Variants in CIMIP7 observed in about 807,000 individuals in gnomAD.
The protein encoded by CIMIP7 is ciliary microtubule inner protein 7.
the CIMIP7 span, among the ~76,000 whole-genome samples, chr3:49,182,178 G>A: frequency 1.3e-5 from 2 of 152,190 alleles, no homozygotes; most frequent in Non-Finnish European, 2.9e-5. Context: ...AAAGAACAAA[G>A]CCTCCACAGC....
At chr3:49,181,839 A>G in the CIMIP7 span, among the ~76,000 whole-genome samples, 1 of 152,192 alleles carries the variant, frequency 6.6e-6, no homozygotes, top group Non-Finnish European at 1.5e-5. Flanking sequence ...TGACATCAAG[A>G]CTGAAGCCGC....
At chr3:49,190,126 A>G in the CIMIP7 span, 3 of 1,603,696 alleles carry the variant, frequency 1.9e-6, no homozygotes, top group Non-Finnish European at 2.5e-6. Flanking sequence ...TGCCCATAGA[A>G]GCCATTGTTG....
the CIMIP7 span, chr3:49,191,839 G>C: frequency 1.4e-6 from 2 of 1,471,436 alleles, no homozygotes; most frequent in East Asian, 4.9e-5. Flanking sequence ...TCAGGAAAGA[G>C]AATCTCTGGA....
chr3:49,191,605 G>T, the CIMIP7 span: 23 of 898,370 alleles, frequency 2.6e-5, no homozygotes, highest in Non-Finnish European at 3.8e-5. Flanking sequence ...CAAGATGGTG[G>T]AGAGGAAGTG....
the CIMIP7 span, among the ~76,000 whole-genome samples, chr3:49,184,439 C>T: frequency 2.0e-5 from 3 of 151,966 alleles, no homozygotes; most frequent in African/African-American, 4.8e-5. Flanking sequence ...CTTATGCCTC[C>T]GCCTCCCAAG....
the CIMIP7 span, among the ~76,000 whole-genome samples, chr3:49,186,511 C>T: frequency 6.6e-6 from 1 of 152,024 alleles, no homozygotes; most frequent in Non-Finnish European, 1.5e-5. Context: ...TCACACCATT[C>T]TCCTGCCTCA....
chr3:49,178,550 G>A, the CIMIP7 span: 39 of 1,611,876 alleles, frequency 2.4e-5, no homozygotes, highest in African/African-American at 4.0e-5. Context: ...TTGAAAGACA[G>A]TGAGAAAGAA....
chr3:49,189,892 G>A, the CIMIP7 span: 1 of 783,616 alleles, frequency 1.3e-6, no homozygotes, highest in East Asian at 2.5e-5. Context: ...TGACATCTCA[G>A]AGAAGAAAGG....
the CIMIP7 span, among the ~76,000 whole-genome samples, chr3:49,184,123 G>A: frequency 6.6e-6 from 1 of 152,094 alleles, no homozygotes; most frequent in African/African-American, 2.4e-5. Flanking sequence ...TCAGCCTCTG[G>A]AGTAGCTGGT....
chr3:49,191,648 CA>C, the CIMIP7 span: 3 of 1,398,166 alleles, frequency 2.1e-6, no homozygotes, highest in African/African-American at 1.4e-5. Flanking sequence ...GGTTGGATGC[CA>C]AATGAAAACC....
the CIMIP7 span, chr3:49,178,620 C>A: frequency 2.4e-6 from 3 of 1,271,898 alleles, no homozygotes; most frequent in Non-Finnish European, 3.4e-6. Flanking sequence ...GCCTCAGGGT[C>A]CTTAATGGAG....
At chr3:49,189,915 C>T in the CIMIP7 span, 2 of 829,104 alleles carry the variant, frequency 2.4e-6, no homozygotes, top group East Asian at 2.5e-5. Flanking sequence ...AAGCCTGTCC[C>T]AGGGATAGGT....
chr3:49,181,208 G>T, the CIMIP7 span, among the ~76,000 whole-genome samples: 1 of 151,786 alleles, frequency 6.6e-6, no homozygotes, highest in Non-Finnish European at 1.5e-5. Context: ...TAGGTGTGGT[G>T]GTGGGCGCCT....
chr3:49,187,053 ATGTCTTTCC>A, the CIMIP7 span, among the ~76,000 whole-genome samples: 3 of 152,166 alleles, frequency 2.0e-5, no homozygotes, highest in African/African-American at 7.2e-5. Flanking sequence ...TAGAATGTAC[ATGTCTTTCC>A]TGTCGGAGGC....
At chr3:49,187,433 G>C in the CIMIP7 span, among the ~76,000 whole-genome samples, 2 of 152,244 alleles carry the variant, frequency 1.3e-5, no homozygotes, top group East Asian at 3.9e-4. Flanking sequence ...CACTAAGAGA[G>C]GAAGCTCCTT....
the CIMIP7 span, among the ~76,000 whole-genome samples, chr3:49,182,284 C>A: frequency 6.6e-6 from 1 of 151,560 alleles, no homozygotes; most frequent in Non-Finnish European, 1.5e-5. Context: ...ATTGGTAGAG[C>A]CCAGTAGTCT....
At chr3:49,189,220 C>T in the CIMIP7 span, among the ~76,000 whole-genome samples, 3 of 151,762 alleles carry the variant, frequency 2.0e-5, no homozygotes, top group African/African-American at 7.3e-5. Context: ...CCTCCCACCT[C>T]GGCCTCCCAA....
At chr3:49,179,482 A>G in the CIMIP7 span, among the ~76,000 whole-genome samples, 2 of 152,338 alleles carry the variant, frequency 1.3e-5, no homozygotes, top group Non-Finnish European at 2.9e-5. Context: ...TGAGACCCAC[A>G]TGATATTGGT....
chr3:49,184,254 C>A, the CIMIP7 span, among the ~76,000 whole-genome samples: 1 of 152,164 alleles, frequency 6.6e-6, no homozygotes, highest in South Asian at 2.1e-4. Context: ...TTGCCTTGGC[C>A]TCCCAAAGTG....
Sources: allele counts gnomAD v4.1 joint callset (sites outside exome capture counted in the v4.1 genomes callset), GRCh38; gene constraint gnomAD v4.1.1; transcripts MANE v1.5; gene names NCBI Gene and HGNC (gene_info 2026-07-23, HGNC 2026-07-21).